MBP: variants seen among roughly 807,000 people sequenced by gnomAD.
MBP encodes myelin basic protein, also known as Golli-MBP.
A neutral mutation model predicts 35.8 loss-of-function variants in MBP; 16 were observed. The observed-to-expected ratio is 0.45, with a 90% CI of 0.30 to 0.68. The LOEUF (loss-of-function observed/expected upper bound fraction) is 0.68. Among genes scored for constraint, MBP ranks in the 30% least tolerant of loss-of-function variants. The pLI, the probability that MBP is intolerant of heterozygous loss-of-function variation, is 0.08. For synonymous variants in MBP, 143 were observed against 159.6 expected (o/e 0.90, Z 0.78); for missense variants, 380 against 404.7 (o/e 0.94, Z 0.52).
chr18:77,124,527 G>T (rs558123195), intron 1 of MBP, among the ~76,000 whole-genome samples: 1 of 152,176 alleles, frequency 6.6e-6, no homozygotes, highest in East Asian at 1.9e-4. Flanking sequence ...TGCACCCCCG[G>T]AAGTGGGGGT....
At chr18:77,087,578 C>T (rs2144989301) in intron 2 of MBP, 1 of 152,342 alleles carries the variant, frequency 6.6e-6, no homozygotes, top group South Asian at 2.1e-4. Context: ...AATCATCTGG[C>T]TTCTGCAAAG....
intron 2 of MBP, among the ~76,000 whole-genome samples, chr18:77,077,018 T>A (rs1452087331): frequency 6.6e-6 from 1 of 152,122 alleles, no homozygotes; most frequent in Non-Finnish European, 1.5e-5. Context: ...AGAGTTAATA[T>A]TTATAAAGTG....
intron 7 of MBP, chr18:76,986,208 A>C (rs1269139548): frequency 2.0e-6 from 2 of 985,402 alleles, no homozygotes; most frequent in African/African-American, 3.5e-5. Flanking sequence ...CAGGGTCCAG[A>C]CTGCACTTTA....
chr18:77,090,555 CCCGGTGCACCCG>C (rs1423335492), intron 2 of MBP, among the ~76,000 whole-genome samples: 1 of 152,214 alleles, frequency 6.6e-6, no homozygotes, highest in Non-Finnish European at 1.5e-5. Context: ...GCTGTGACCT[CCCGGTGCACCCG>C]CAATGCCAGT....
chr18:76,983,351 A>C (rs1969327750), intron 8 of MBP: 1 of 152,254 alleles, frequency 6.6e-6, no homozygotes, highest in African/African-American at 2.4e-5. Context: ...CGGAGCGCAG[A>C]TAGGGGTCTG....
intron 1 of MBP, among the ~76,000 whole-genome samples, chr18:77,118,816 CCA>C (rs1404839256): frequency 6.7e-6 from 1 of 149,986 alleles, no homozygotes; most frequent in African/African-American, 2.5e-5. Flanking sequence ...TATACGCACA[CCA>C]CACACACACT....
At chr18:77,004,711 G>A (rs974885384) in intron 4 of MBP, 1 of 152,382 alleles carries the variant, frequency 6.6e-6, no homozygotes, top group Non-Finnish European at 1.5e-5. Context: ...AGCGCTGCAG[G>A]GTGGCGGCCG....
chr18:77,057,874 T>G (rs1226462080), intron 3 of MBP, among the ~76,000 whole-genome samples: 1 of 11,310 alleles, frequency 8.8e-5, no homozygotes, highest in Non-Finnish European at 1.3e-4. Flanking sequence ...TTGCCCAGGC[T>G]GGAGTGCAGT....
At position 77,076,154 on chromosome 18, in the gene MBP, C is replaced by T. The variant is rs577367396; in HGVS notation, c.52-9769G>A. ...TCTCAGTGTGATGCATGAAAGAGGG[C>T]TGCTGGGTTTGGACACTTGTCCCAC... On this transcript the variant is annotated intron_variant, in intron 2 of 8. Coordinates refer to ENST00000355994, the MANE Select transcript of MBP (RefSeq NM_001025101.2). Among the ~76,000 whole-genome samples the T allele has an allele frequency of 9.3e-4, 142 of 152,362 alleles. 1 individual carries two copies. Among genetic ancestry groups the T allele is most frequent in the African/African-American group, 3.4e-3 (140 of 41,594 alleles).
At chr18:77,090,371 C>G (rs115940267) in intron 2 of MBP, among the ~76,000 whole-genome samples, 1 of 150,608 alleles carries the variant, frequency 6.6e-6, no homozygotes. Context: ...CCATACCAAA[C>G]AACACTGTTT....
chr18:77,025,585 T>C (rs903438946), intron 3 of MBP, among the ~76,000 whole-genome samples: 3 of 152,158 alleles, frequency 2.0e-5, no homozygotes, highest in African/African-American at 7.2e-5. Flanking sequence ...CAGGCTTGTT[T>C]AGGAAACTGT....
At chr18:77,006,434 G>A (rs1970977729) in intron 4 of MBP, 3 of 152,482 alleles carry the variant, frequency 2.0e-5, no homozygotes, top group African/African-American at 4.8e-5. Context: ...TGCACCACTG[G>A]CGCCCTCACT....
chr18:77,087,782 C>T (rs1361443519), intron 2 of MBP: 1 of 152,038 alleles, frequency 6.6e-6, no homozygotes, highest in Non-Finnish European at 1.5e-5. Flanking sequence ...CCTTCTCCTC[C>T]CAGGGTCGCC....
chr18:77,071,878 G>T (rs1018456759), intron 2 of MBP, among the ~76,000 whole-genome samples: 2 of 152,142 alleles, frequency 1.3e-5, no homozygotes, highest in South Asian at 2.1e-4. Flanking sequence ...AATGGCGTAG[G>T]AAGTGCACCG....
At chr18:77,122,585 C>T (rs973117988) in intron 1 of MBP, among the ~76,000 whole-genome samples, 1 of 152,238 alleles carries the variant, frequency 6.6e-6, no homozygotes, top group African/African-American at 2.4e-5. Flanking sequence ...CTCTGTCACT[C>T]AGGCTGGAGT....
chr18:77,008,492 C>T (rs558304439), intron 4 of MBP, among the ~76,000 whole-genome samples: 1 of 152,336 alleles, frequency 6.6e-6, no homozygotes, highest in Admixed American at 6.5e-5. Context: ...TCAGGATGGG[C>T]TTCCAAACCA....
rs1482067709 is a variant in MBP at position 76,979,425 on chromosome 18, G to A, written c.*1002C>T. On this transcript the variant is annotated 3_prime_UTR_variant, in exon 9 of 9. Coordinates refer to ENST00000355994, the MANE Select transcript of MBP (RefSeq NM_001025101.2). ...AGTGAATGAGCCGGTTATCTTCTCA[G>A]GGAGGGTTAGTGCTGGCCACTGTGC... The A allele has an allele frequency of 6.5e-6, 1 of 153,496 alleles. No individual in the cohort carries two copies. The allele number at this position is 153,496 out of a possible 1,614,324, so 9.5% of individuals were successfully genotyped here.
intron 2 of MBP, among the ~76,000 whole-genome samples, chr18:77,092,692 A>G (rs1975585003): frequency 6.6e-6 from 1 of 152,150 alleles, no homozygotes. Context: ...ACTGAGGAAC[A>G]TGATCAGTGA....
Position 76,986,778 on chromosome 18 carries a change from C to T in MBP, c.750+1717G>A, listed in dbSNP as rs1332774204. ...TAAGTCCTTCTGTCTTACTCTATTGCTTTTCTCCAAAAATAAAGCATTTTT... is the reference window on the plus strand; with the variant it reads ...TAAGTCCTTCTGTCTTACTCTATTGTTTTTCTCCAAAAATAAAGCATTTTT... On this transcript the variant is annotated intron_variant, in intron 7 of 8. Transcript: ENST00000355994. 18 of 985,462 alleles carry T rather than the reference C, an allele frequency of 1.8e-5. No individual in the cohort carries two copies. The South Asian group carries it at 2.8e-4, about 15-fold the overall frequency. The allele number at this position is 985,462 out of a possible 1,614,324, so 61.0% of individuals were successfully genotyped here.
Sources: allele counts gnomAD v4.1 joint callset (sites outside exome capture counted in the v4.1 genomes callset), GRCh38; gene constraint gnomAD v4.1.1; transcripts MANE v1.5; gene names NCBI Gene and HGNC (gene_info 2026-07-23, HGNC 2026-07-21).